MIPEP: variants seen among roughly 807,000 people sequenced by gnomAD.
MIPEP encodes mitochondrial intermediate peptidase.
In MIPEP, 79 loss-of-function variants were observed where a neutral mutation model predicts 90.3. That is an observed-to-expected ratio of 0.87 (90% CI 0.73 to 1.05). The LOEUF is 1.05. MIPEP is among the 50% of genes least tolerant of loss of function. The pLI is 0.00. For synonymous variants in MIPEP, 334 were observed against 315.8 expected, an observed-to-expected ratio of 1.06 and a Z score of -0.61; for missense variants, 940 against 905.6, an observed-to-expected ratio of 1.04 and a Z score of -0.49.
chr13:23,747,010 G>C (rs546185087), intron 18 of MIPEP, among the ~76,000 whole-genome samples: 1 of 152,332 alleles, frequency 6.6e-6, no homozygotes, highest in East Asian at 1.9e-4. Flanking sequence ...AGAAGTTGAA[G>C]AAGACAGTAA....
chr13:23,740,668 T>TA (rs1390839377), intron 18 of MIPEP, among the ~76,000 whole-genome samples: 2 of 152,182 alleles, frequency 1.3e-5, no homozygotes, highest in Non-Finnish European at 2.9e-5. Flanking sequence ...CTCCGATTCA[T>TA]AAAGTCTGGG....
chr13:23,887,951 C>T, intron 1 of MIPEP: 1 of 310,256 alleles, frequency 3.2e-6, no homozygotes, highest in Non-Finnish European at 6.2e-6. Context: ...ACTTCCACTT[C>T]CCAGTACAAC....
chr13:23,888,945 C>A, intron 1 of MIPEP, 187 bp downstream of exon 1: 1 of 563,354 alleles, frequency 1.8e-6, no homozygotes, highest in East Asian at 3.5e-5. Flanking sequence ...GACCACTAAA[C>A]CCGGCCCCTC....
intron 16 of MIPEP, among the ~76,000 whole-genome samples, chr13:23,774,861 C>T (rs1335883065): frequency 2.3e-5 from 3 of 131,238 alleles, no homozygotes; most frequent in Admixed American, 9.6e-5. Context: ...ATGGGATGAG[C>T]TCGGCTCACT....
intron 9 of MIPEP, among the ~76,000 whole-genome samples, chr13:23,861,519 T>C (rs755169766): frequency 7.9e-5 from 12 of 152,206 alleles, no homozygotes; most frequent in Non-Finnish European, 1.0e-4. Flanking sequence ...TTAATCTGTT[T>C]CCTAGTGGCT....
At chr13:23,836,212 G>A (rs1437273505) in intron 14 of MIPEP, 28 bp downstream of exon 14, 5 of 1,432,886 alleles carry the variant, frequency 3.5e-6, no homozygotes, top group Non-Finnish European at 3.8e-6. Context: ...CAACCCAAAG[G>A]ACAAGACGAC....
At chr13:23,749,126 C>T (rs752916020) in intron 18 of MIPEP, among the ~76,000 whole-genome samples, 5 of 152,280 alleles carry the variant, frequency 3.3e-5, no homozygotes, top group Admixed American at 2.0e-4. Flanking sequence ...CAATGTAAAA[C>T]GCCTTTTCTG....
At chr13:23,785,969 AGC>A in intron 16 of MIPEP, among the ~76,000 whole-genome samples, 1 of 152,320 alleles carries the variant, frequency 6.6e-6, no homozygotes, top group African/African-American at 2.4e-5. Flanking sequence ...CTGTAATCCT[AGC>A]ACTTTGGGAG....
intron 17 of MIPEP, 38 bp downstream of exon 17, chr13:23,760,058 G>A: frequency 6.2e-7 from 1 of 1,612,816 alleles, no homozygotes; most frequent in Non-Finnish European, 8.5e-7. Context: ...GAATTACTGT[G>A]GTCCAAGATG....
chr13:23,766,323 T>C (rs909821780), intron 16 of MIPEP, among the ~76,000 whole-genome samples: 1 of 152,182 alleles, frequency 6.6e-6, no homozygotes, highest in African/African-American at 2.4e-5. Flanking sequence ...AAACAAACAA[T>C]GGGCTAGTAA....
At chr13:23,822,945 G>A (rs1353028832) in intron 14 of MIPEP, among the ~76,000 whole-genome samples, 4 of 151,800 alleles carry the variant, frequency 2.6e-5, no homozygotes, top group Admixed American at 6.6e-5. Context: ...GAGTGCAGTG[G>A]CATGATCTCG....
At chr13:23,777,370 T>C (rs1264823633) in intron 16 of MIPEP, among the ~76,000 whole-genome samples, 3 of 152,206 alleles carry the variant, frequency 2.0e-5, no homozygotes, top group Non-Finnish European at 4.4e-5. Flanking sequence ...AGGTTGTAGG[T>C]TAAACTTATA....
intron 14 of MIPEP, among the ~76,000 whole-genome samples, chr13:23,822,822 T>A (rs1018836547): frequency 3.3e-5 from 5 of 151,956 alleles, no homozygotes; most frequent in African/African-American, 1.2e-4. Flanking sequence ...TAAATATGGA[T>A]TGTAAGAACA....
chr13:23,848,002 G>T (rs1306627680), intron 10 of MIPEP, among the ~76,000 whole-genome samples: 3 of 152,176 alleles, frequency 2.0e-5, no homozygotes, highest in African/African-American at 7.2e-5. Context: ...GGAATCTCAG[G>T]CTCAAAGAGG....
chr13:23,867,604 ATTTTC>A (rs1486893410), intron 7 of MIPEP, among the ~76,000 whole-genome samples: 1 of 152,176 alleles, frequency 6.6e-6, no homozygotes, highest in East Asian at 1.9e-4. Flanking sequence ...AAGGATAGGA[ATTTTC>A]TTCTGCTTTG....
At chr13:23,743,342 G>C (rs1257410345) in intron 18 of MIPEP, among the ~76,000 whole-genome samples, 2 of 152,190 alleles carry the variant, frequency 1.3e-5, no homozygotes, top group Admixed American at 1.3e-4. Context: ...CCCAAGCCTA[G>C]GGCAACTGTA....
chr13:23,733,370 T>C (rs1593122049), intron 18 of MIPEP, among the ~76,000 whole-genome samples: 1 of 151,730 alleles, frequency 6.6e-6, no homozygotes, highest in Non-Finnish European at 1.5e-5. Context: ...GTCTGGCGGG[T>C]AGAGTAAGGC....
chr13:23,830,810 A>AT (rs990867291), intron 14 of MIPEP, among the ~76,000 whole-genome samples: 18 of 152,304 alleles, frequency 1.2e-4, no homozygotes, highest in African/African-American at 4.1e-4. Flanking sequence ...AATTTTACAA[A>AT]TAAGCAGCAG....
chr13:23,833,373 C>A lies in MIPEP; in HGVS notation c.1653+2867G>T, dbSNP rs189308155. ...CGCTTTCCATTCTCCATGAGAATCA[C>A]AAAATTTTAGATTCTTTAGAGACTA... On this transcript the variant is annotated intron_variant, in intron 14 of 18. Transcript: ENST00000382172. Among the ~76,000 whole-genome samples the A allele has an allele frequency of 1.1e-3, 175 of 152,302 alleles. 1 individual carries two copies. Among genetic ancestry groups the A allele is most frequent in the African/African-American group, 4.1e-3 (169 of 41,574 alleles).
Sources: allele counts gnomAD v4.1 joint callset (sites outside exome capture counted in the v4.1 genomes callset), GRCh38; gene constraint gnomAD v4.1.1; transcripts MANE v1.5; gene names NCBI Gene and HGNC (gene_info 2026-07-23, HGNC 2026-07-21).